The following TFRC variants were observed in gnomAD, a reference collection of about 807,000 sequenced individuals.
TFRC encodes transferrin receptor, also known as transferrin receptor protein 1.
Under a neutral mutation model 85.8 loss-of-function variants are expected in TFRC, and 35 were observed. That is an observed-to-expected ratio of 0.41 (90% CI 0.31 to 0.54). The LOEUF (loss-of-function observed/expected upper bound fraction) is 0.54, where lower values mean the gene tolerates loss of function less well. Ranked by LOEUF, TFRC falls within the 20% of genes least tolerant of loss-of-function variation. The pLI, the probability that TFRC is intolerant of heterozygous loss-of-function variation, is 0.31. For synonymous variants in TFRC, 362 were observed against 328.6 expected (o/e 1.10, Z -1.10); for missense variants, 828 against 921.5 (o/e 0.90, Z 1.31).
At chr3:196,080,213 C>A (rs1719052601) in intron 1 of TFRC, among the ~76,000 whole-genome samples, 2 of 152,206 alleles carry the variant, frequency 1.3e-5, no homozygotes, top group African/African-American at 4.8e-5. Flanking sequence ...AAGCGACTCT[C>A]GAGCCTCAGC....
chr3:196,073,521 T>C (rs760894557), intron 4 of TFRC, among the ~76,000 whole-genome samples: 9 of 152,092 alleles, frequency 5.9e-5, no homozygotes, highest in Non-Finnish European at 8.8e-5. Context: ...CAGTTACCCA[T>C]GATCAAGGAG....
Position 196,055,159 on chromosome 3 carries a change from A to G in TFRC, c.1820T>C (p.Leu607Ser). 1 of 1,614,246 alleles carries G rather than the reference A, an allele frequency of 6.2e-7. No individual in the cohort carries two copies. The highest frequency in any genetic ancestry group is 1.1e-5 in the South Asian group (1 of 91,088). Residue 607 changes from leucine to serine, a missense_variant, in exon 17 of 19, where the codon TTG becomes TCG. Transcript: ENST00000360110. Reference sequence around the variant, plus strand: ...GTTGTACCTCTCATAGTCCAGGTTCAATTCAACATCATGGGTTAGTTTAAT... The same window carrying G: ...GTTGTACCTCTCATAGTCCAGGTTCGATTCAACATCATGGGTTAGTTTAAT... The part of the protein sequence containing the change: ...FVIKLTHDVE[L>S]NLDYERYNSQ...
intron 18 of TFRC, 72 bp downstream of exon 18, chr3:196,053,346 T>G (rs1282504661): frequency 3.5e-5 from 55 of 1,556,644 alleles, no homozygotes; most frequent in Non-Finnish European, 4.5e-5. Flanking sequence ...GTTTGTCCAC[T>G]TTGCAGAAGT....
Position 196,055,065 on chromosome 3 carries a change from G to C in TFRC, c.1899+15C>G. On this transcript the variant is annotated intron_variant, in intron 17 of 18. Coordinates refer to ENST00000360110, the MANE Select transcript of TFRC (RefSeq NM_001128148.3). Reference sequence around the variant, plus strand: ...CATTCAGCAAAATAAAAACGTAATTGGAATCAGTGCTCACCTTTATGTCTG... The same window carrying C: ...CATTCAGCAAAATAAAAACGTAATTCGAATCAGTGCTCACCTTTATGTCTG... 6.2e-7 allele frequency: 1 copy of C among 1,610,016 alleles called. No individual in the cohort carries two copies. Among genetic ancestry groups the C allele is most frequent in the Non-Finnish European group, 8.5e-7 (1 of 1,176,900 alleles).
chr3:196,060,188 T>C lies in TFRC; in HGVS notation c.1528A>G (p.Met510Val), dbSNP rs1043111000. The change falls in exon 14 of 19, where the codon ATG becomes GTG. Residue 510 changes from methionine to valine, a missense_variant. Coordinates refer to ENST00000360110, the MANE Select transcript of TFRC (RefSeq NM_001128148.3). The part of the protein sequence containing the change: ...PLLYTLIEKT[M>V]QNVKHPVTGQ... ...ATGAGGTATATACTCACATTTTGCATTGTTTTCTCAATAAGCGTATACAAC... is the reference window on the plus strand; with the variant it reads ...ATGAGGTATATACTCACATTTTGCACTGTTTTCTCAATAAGCGTATACAAC... The C allele has an allele frequency of 1.4e-5, 23 of 1,613,504 alleles. No individual in the cohort carries two copies. Among genetic ancestry groups the C allele is most frequent in the African/African-American group, 5.3e-5 (4 of 74,928 alleles).
chr3:196,075,058 A>AT (rs1482344824), intron 3 of TFRC, 101 bp downstream of exon 3: 12 of 688,760 alleles, frequency 1.7e-5, no homozygotes, highest in Admixed American at 6.7e-5. Flanking sequence ...AAAAAAAAAA[A>AT]AAAAAAAATA....
At chr3:196,065,819 G>A (rs1001133331) in intron 9 of TFRC, among the ~76,000 whole-genome samples, 6 of 151,842 alleles carry the variant, frequency 4.0e-5, no homozygotes, top group Non-Finnish European at 8.8e-5. Context: ...GTGAAACCCC[G>A]ACTCTACTAA....
At chr3:196,052,950 TA>T (rs1432306861) in intron 18 of TFRC, among the ~76,000 whole-genome samples, 1 of 151,772 alleles carries the variant, frequency 6.6e-6, no homozygotes, top group African/African-American at 2.4e-5. Context: ...CCGTTTCTAC[TA>T]AAAATACAAA....
At chr3:196,061,276 T>C (rs2284890) in intron 13 of TFRC, among the ~76,000 whole-genome samples, 73,276 of 152,048 alleles carry the variant, frequency 0.48, 19,423 homozygotes, top group Non-Finnish European at 0.61. Flanking sequence ...TGTGAATTAC[T>C]CTCTAAGTAC....
chr3:196,065,993 A>AC (rs1426505220), intron 9 of TFRC, among the ~76,000 whole-genome samples: 1 of 151,504 alleles, frequency 6.6e-6, no homozygotes, highest in Non-Finnish European at 1.5e-5. Flanking sequence ...CTGTCTCAAA[A>AC]AAAAACAAAA....
At chr3:196,060,328 G>C (rs1161632402) in intron 13 of TFRC, 81 bp from the exon 14 acceptor site, 5 of 1,150,552 alleles carry the variant, frequency 4.3e-6, no homozygotes, top group Non-Finnish European at 5.1e-6. Flanking sequence ...ATAAGTACTT[G>C]ACAAATAAGA....
chr3:196,080,206 C>A (rs1462196777), intron 1 of TFRC, among the ~76,000 whole-genome samples: 1 of 152,186 alleles, frequency 6.6e-6, no homozygotes, highest in Non-Finnish European at 1.5e-5. Flanking sequence ...CAGGTTAAAG[C>A]GACTCTCGAG....
chr3:196,049,296 T>G lies in TFRC; in HGVS notation c.*2646A>C, dbSNP rs1716100124. On this transcript the variant is annotated 3_prime_UTR_variant, in exon 19 of 19. Transcript: ENST00000360110. ...AAGAAATGACAACTCAGTGTTTAAG[T>G]ATTTTATTAAATCAGACAAGGAATC... 5.5e-6 allele frequency: 1 copy of G among 182,552 alleles called. No individual in the cohort carries two copies. Among genetic ancestry groups the G allele is most frequent in the Non-Finnish European group, 1.2e-5 (1 of 85,830 alleles). 11.3% of individuals were successfully genotyped at this position (182,552 alleles called of 1,614,324 possible).
rs1355173641 is a variant in TFRC at position 196,073,045 on chromosome 3, A to AAAACAAACAAAC, written c.434+884_434+885insGTTTGTTTGTTT. ...TGAAATCCCGTTTCTGCAAAAAAAA[A>AAAACAAACAAAC]AAAAAAAAAAAAAAACCCACAAAAA... is the stretch of plus-strand genomic sequence containing the variant. On this transcript the variant is annotated intron_variant, in intron 4 of 18. Coordinates refer to ENST00000360110, the MANE Select transcript of TFRC (RefSeq NM_001128148.3). 6.0e-5 allele frequency among the ~76,000 whole-genome samples: 8 copies of AAAACAAACAAAC among 132,576 alleles called. No individual in the cohort carries two copies. In the South Asian group the frequency reaches 7.7e-4, roughly 13 times the overall value. The allele number at this position is 132,576 out of a possible 152,430, so 87.0% of individuals were successfully genotyped here.
In TFRC at chr3:196,055,097, A is replaced by G. The variant is rs372983925; in HGVS notation, c.1882T>C (p.Tyr628His). The change falls in exon 17 of 19, where the codon TAC (tyrosine) becomes CAC (histidine). Residue 628 changes from tyrosine (Y) to histidine (H), a missense_variant. Physicochemically the swap from Tyr to His is moderately conservative, Grantham distance 83. Transcript: ENST00000360110. ...GTGCTCACCTTTATGTCTGCTCTGT[A>G]TTGGTTCAGATCCCTCACAAATGAA... is the stretch of plus-strand genomic sequence containing the variant. Reference protein sequence around the residue: ...LLSFVRDLNQYRADIKEMGLS... With the variant: ...LLSFVRDLNQHRADIKEMGLS... 1.2e-6 allele frequency: 2 copies of G among 1,614,074 alleles called. No homozygotes were observed. Among genetic ancestry groups the G allele is most frequent in the African/African-American group, 2.7e-5 (2 of 74,942 alleles).
intron 4 of TFRC, 106 bp from the exon 5 acceptor site, chr3:196,072,258 G>A (rs2108653910): frequency 4.2e-6 from 6 of 1,418,672 alleles, no homozygotes; most frequent in Non-Finnish European, 5.7e-6. Context: ...ATCCCTCATA[G>A]TTCAGATAAA....
chr3:196,053,581 T>C (rs961042059), intron 17 of TFRC, 23 bp from the exon 18 acceptor site: 3 of 1,612,630 alleles, frequency 1.9e-6, no homozygotes, highest in South Asian at 1.1e-5. Flanking sequence ...TTATTCGCTA[T>C]GAGAAGTTTT....
intron 6 of TFRC, among the ~76,000 whole-genome samples, chr3:196,070,378 C>T (rs1205363904): frequency 6.6e-6 from 1 of 151,926 alleles, no homozygotes; most frequent in Non-Finnish European, 1.5e-5. Flanking sequence ...GATTCTCCTG[C>T]CCCAGCCTCC....
At position 196,071,600 on chromosome 3, in the gene TFRC, A is replaced by G; in HGVS notation, c.585-102T>C. On this transcript the variant is annotated intron_variant, in intron 5 of 18. Transcript: ENST00000360110. ...TGCATTATTTGGCTTGAGGAAATTT[A>G]CCTCTAAATCTTAAGCTTGATTTTT... 3 of 1,166,660 alleles carry G rather than the reference A, an allele frequency of 2.6e-6. No homozygotes were observed. In the Admixed American group the frequency reaches 5.7e-5, roughly 22 times the overall value. The allele number at this position is 1,166,660 out of a possible 1,614,324, so 72.3% of individuals were successfully genotyped here. A position where few individuals can be genotyped will look rare whatever the true frequency, so the allele number is the denominator to read the frequency against.
Sources: gnomAD v4.1 joint callset for allele counts (sites outside exome capture counted in the v4.1 genomes callset) on GRCh38, gnomAD v4.1.1 for gene constraint, MANE v1.5 for transcripts, NCBI Gene and HGNC (gene_info 2026-07-23, HGNC 2026-07-21) for gene names.